Variants in PRDM16 observed in about 807,000 individuals in gnomAD.
PRDM16 encodes PR/SET domain 16, also known as histone-lysine N-methyltransferase PRDM16.
Under a neutral mutation model 110.6 loss-of-function variants are expected in PRDM16, and 23 were observed. The ratio of observed to expected loss-of-function variants is 0.21; its 90% CI spans 0.15 to 0.29. The LOEUF (loss-of-function observed/expected upper bound fraction) is 0.29. PRDM16 is among the 10% of genes least tolerant of loss of function. The pLI, the probability that PRDM16 is intolerant of heterozygous loss-of-function variation, is 1.00. For missense variants in PRDM16, 1,615 were observed against 1,794.3 expected (o/e 0.90, Z 1.81); for synonymous variants, 799 against 781.8 (o/e 1.02, Z -0.37).
chr1:3,140,388 G>A (rs567435565), intron 1 of PRDM16, among the ~76,000 whole-genome samples: 15 of 152,250 alleles, frequency 9.9e-5, no homozygotes, highest in Non-Finnish European at 1.8e-4. Flanking sequence ...CAGGATGAGC[G>A]CAGAGGCCTT....
chr1:3,341,119 C>T (rs371176925), intron 3 of PRDM16, among the ~76,000 whole-genome samples: 8 of 151,914 alleles, frequency 5.3e-5, no homozygotes, highest in East Asian at 1.9e-4. Context: ...TCTGAGCCCT[C>T]GTTTCTCCTG....
intron 2 of PRDM16, among the ~76,000 whole-genome samples, chr1:3,241,729 G>C (rs914865873): frequency 6.6e-6 from 1 of 152,246 alleles, no homozygotes; most frequent in African/African-American, 2.4e-5. Context: ...ATCCCACCCG[G>C]ACGCTCGGAG....
At chr1:3,365,033 G>C (rs1431581283) in intron 3 of PRDM16, among the ~76,000 whole-genome samples, 3 of 152,190 alleles carry the variant, frequency 2.0e-5, no homozygotes, top group East Asian at 1.9e-4. Flanking sequence ...AAGGCACCAG[G>C]GTCCCCAGGA....
In PRDM16 at chr1:3,245,485, AC is replaced by A. The variant is rs772802369; in HGVS notation, c.438+1351del. Among the ~76,000 whole-genome samples the A allele has an allele frequency of 5.3e-5, 8 of 152,066 alleles. No individual in the cohort carries two copies. Among genetic ancestry groups the A allele is most frequent in the African/African-American group, 1.2e-4 (5 of 41,358 alleles). On this transcript the variant is annotated intron_variant, in intron 3 of 16. Coordinates refer to ENST00000270722, the MANE Select transcript of PRDM16 (RefSeq NM_022114.4). This position sits in a 1 kb window ranked among gnomAD's most constrained non-coding sequence, Gnocchi z 4.7. Reference sequence around the variant, plus strand: ...GGAGACTTTTGCTGGGCCCGCAGTGACCCGCTGAAGGGCCTCCGGAAACTGG... The same window carrying A: ...GGAGACTTTTGCTGGGCCCGCAGTGACCGCTGAAGGGCCTCCGGAAACTGG...
intron 1 of PRDM16, among the ~76,000 whole-genome samples, chr1:3,097,504 AG>A (rs1469631115): frequency 2.6e-5 from 4 of 152,200 alleles, no homozygotes; most frequent in Non-Finnish European, 5.9e-5. Context: ...CATTCCATAC[AG>A]GCCAGAAGCC....
chr1:3,345,831 C>T (rs1173743718), intron 3 of PRDM16, among the ~76,000 whole-genome samples: 2 of 143,792 alleles, frequency 1.4e-5, no homozygotes, highest in Non-Finnish European at 3.1e-5. Context: ...CCTCTCGGGT[C>T]CTCCCGTGCT....
chr1:3,161,896 A>G, intron 1 of PRDM16, among the ~76,000 whole-genome samples: 1 of 152,194 alleles, frequency 6.6e-6, no homozygotes, highest in Non-Finnish European at 1.5e-5. Flanking sequence ...GATGTTTAAC[A>G]AAAACAGTGG....
chr1:3,301,395 A>G (rs928490742), intron 3 of PRDM16, among the ~76,000 whole-genome samples: 1 of 152,186 alleles, frequency 6.6e-6, no homozygotes, highest in Non-Finnish European at 1.5e-5. Flanking sequence ...TTGCCAAACA[A>G]ATGAATAAAT....
chr1:3,373,030 T>C (rs2100581449), intron 3 of PRDM16, among the ~76,000 whole-genome samples: 1 of 152,302 alleles, frequency 6.6e-6, no homozygotes, highest in South Asian at 2.1e-4. Flanking sequence ...TATCAGCAGC[T>C]TGGGCATCAA....
intron 3 of PRDM16, among the ~76,000 whole-genome samples, chr1:3,316,486 C>G (rs115544698): frequency 6.6e-6 from 1 of 152,174 alleles, no homozygotes; most frequent in East Asian, 1.9e-4. Flanking sequence ...CAGGGAGGAC[C>G]TGGGAAGAGA....
At chr1:3,258,368 T>C (rs980370200) in intron 3 of PRDM16, among the ~76,000 whole-genome samples, 4 of 152,156 alleles carry the variant, frequency 2.6e-5, no homozygotes, top group Non-Finnish European at 5.9e-5. Flanking sequence ...GAGTGTACCG[T>C]TTTCTTATTG....
chr1:3,269,188 A>G (rs1439106783), intron 3 of PRDM16, among the ~76,000 whole-genome samples: 1 of 152,248 alleles, frequency 6.6e-6, no homozygotes, highest in Non-Finnish European at 1.5e-5. Flanking sequence ...TTCAGTCCCA[A>G]GGAGCAGGCA....
At chr1:3,094,838 A>C (rs1326279060) in intron 1 of PRDM16, among the ~76,000 whole-genome samples, 1 of 151,796 alleles carries the variant, frequency 6.6e-6, no homozygotes, top group Admixed American at 6.6e-5. Flanking sequence ...GCGGTTGCCG[A>C]GGGACTCTGG....
intron 2 of PRDM16, among the ~76,000 whole-genome samples, chr1:3,235,873 A>G (rs1174951719): frequency 2.0e-5 from 3 of 152,108 alleles, no homozygotes; most frequent in Non-Finnish European, 2.9e-5. Context: ...GAGCTCTGAG[A>G]TCTGGAGCAG....
In PRDM16 at chr1:3,143,202, G is replaced by T. The variant is rs528005957; in HGVS notation, c.38-42923G>T. Among the ~76,000 whole-genome samples the T allele has an allele frequency of 2.6e-5, 4 of 152,162 alleles. No homozygotes were observed. Among genetic ancestry groups the T allele is most frequent in the Non-Finnish European group, 5.9e-5 (4 of 68,030 alleles). On this transcript the variant is annotated intron_variant, in intron 1 of 16. Transcript: ENST00000270722. This position sits in a 1 kb window ranked among gnomAD's most constrained non-coding sequence, Gnocchi z 4.5. ...GCTGGTTTGCAGCCCCTCGGGGGCC[G>T]AGTGTTCCGGGCTCTGATTTTTGCT... is the stretch of plus-strand genomic sequence containing the variant.
Position 3,411,421 on chromosome 1 carries a change from C to T in PRDM16, c.1224C>T (p.Asn408=), listed in dbSNP as rs777941608. The part of the protein sequence containing the change: ...VCHKSYTQFS[N]LCRHKRMHAD... ...ACAAGTCCTACACGCAGTTCTCCAA[C>T]CTGTGCCGGCACAAGCGGATGCACG... The change falls in exon 9 of 17, where the codon AAC becomes AAT. Residue 408 remains asparagine (N), a synonymous_variant. Transcript: ENST00000270722. The T allele has an allele frequency of 1.2e-6, 2 of 1,614,034 alleles. No homozygotes were observed. The highest frequency in any genetic ancestry group is 2.2e-5 in the South Asian group (2 of 91,076).
At chr1:3,182,697 C>T (rs1202936884) in intron 1 of PRDM16, among the ~76,000 whole-genome samples, 4 of 152,234 alleles carry the variant, frequency 2.6e-5, no homozygotes, top group Non-Finnish European at 2.9e-5. Flanking sequence ...GGGGCAGCAG[C>T]AGGGTTTCTT....
intron 3 of PRDM16, among the ~76,000 whole-genome samples, chr1:3,294,167 G>T (rs1001303361): frequency 1.2e-4 from 19 of 152,160 alleles, no homozygotes; most frequent in African/African-American, 4.6e-4. Context: ...CTGCCTACCA[G>T]GTAAACAGGC....
chr1:3,419,458 G>A (rs1638370654), intron 12 of PRDM16, among the ~76,000 whole-genome samples: 1 of 152,180 alleles, frequency 6.6e-6, no homozygotes, highest in African/African-American at 2.4e-5. Flanking sequence ...AGGGGCCCGA[G>A]GCTCAGAGAT....
Sources: allele counts gnomAD v4.1 joint callset (sites outside exome capture counted in the v4.1 genomes callset), GRCh38; gene constraint gnomAD v4.1.1; non-coding constraint Gnocchi (gnomAD v3.1); transcripts MANE v1.5; gene names NCBI Gene and HGNC (gene_info 2026-07-23, HGNC 2026-07-21).